The following LARS2 variants were observed in gnomAD, a reference collection of about 807,000 sequenced individuals.
The protein encoded by LARS2 is leucine--tRNA ligase, mitochondrial.
A neutral mutation model predicts 116.6 loss-of-function variants in LARS2; 81 were observed. That is an observed-to-expected ratio of 0.69 (90% CI 0.58 to 0.84). The LOEUF is 0.84. Among genes scored for constraint, LARS2 ranks in the 40% least tolerant of loss-of-function variants. LARS2 has a pLI of 0.00. For synonymous variants in LARS2, 396 were observed against 407.2 expected (o/e 0.97, Z 0.33); for missense variants, 968 against 1,114.5 (o/e 0.87, Z 1.87).
rs180999431 is a variant in LARS2 at position 45,409,377 on chromosome 3, A to G, written c.364-8105A>G. On this transcript the variant is annotated intron_variant, in intron 4 of 21. Transcript: ENST00000645846. Reference sequence around the variant, plus strand: ...TGGAGTTCTTCCCAGTGAATGGACAATCTTGGCCATAGAGAAATCAAGGGC... The same window carrying G: ...TGGAGTTCTTCCCAGTGAATGGACAGTCTTGGCCATAGAGAAATCAAGGGC... 3.0e-4 allele frequency among the ~76,000 whole-genome samples: 45 copies of G among 152,308 alleles called. 1 individual carries two copies. The East Asian group carries it at 7.1e-3, about 24-fold the overall frequency.
intron 18 of LARS2, among the ~76,000 whole-genome samples, chr3:45,519,162 G>A (rs561003428): frequency 1.6e-4 from 24 of 152,274 alleles, no homozygotes; most frequent in African/African-American, 5.8e-4. Context: ...AAGCTGACAA[G>A]CTGTGTTAAT....
At position 45,389,424 on chromosome 3, in the gene LARS2, A is replaced by G. The variant is rs147343640; in HGVS notation, c.-88+744A>G. Among the ~76,000 whole-genome samples, 286 of 152,244 alleles carry G rather than the reference A, an allele frequency of 1.9e-3. 2 individuals carry two copies. Among genetic ancestry groups the G allele is most frequent in the Middle Eastern group, 0.014 (4 of 294 alleles). On this transcript the variant is annotated intron_variant, in intron 1 of 21. Transcript: ENST00000645846. The stretch of plus-strand genomic sequence containing the variant: ...CAGCAGCCCGTCAGCTCTGCGTCCC[A>G]GCGCCTCTTCCGTGAAAGGGAAGCC...
intron 12 of LARS2, 124 bp from the exon 13 acceptor site, chr3:45,491,393 C>T: frequency 1.0e-6 from 1 of 981,224 alleles, no homozygotes; most frequent in Non-Finnish European, 1.5e-6. Context: ...AGTTATGACA[C>T]AGCTCTGCAC....
At chr3:45,437,328 C>T (rs1198946117) in intron 6 of LARS2, among the ~76,000 whole-genome samples, 1 of 152,130 alleles carries the variant, frequency 6.6e-6, no homozygotes, top group Non-Finnish European at 1.5e-5. Context: ...GATAAAGGAA[C>T]ATATTGCATA....
At chr3:45,406,929 A>G (rs1474456000) in intron 4 of LARS2, among the ~76,000 whole-genome samples, 1 of 152,184 alleles carries the variant, frequency 6.6e-6, no homozygotes, top group Non-Finnish European at 1.5e-5. Context: ...GTATGCACAG[A>G]TGGTTGGAAA....
chr3:45,488,877 T>A, intron 12 of LARS2, 65 bp downstream of exon 12: 1 of 1,056,000 alleles, frequency 9.5e-7, no homozygotes, highest in Non-Finnish European at 1.5e-6. Context: ...ACATTTTCCT[T>A]CAGGTGCAAA....
intron 8 of LARS2, among the ~76,000 whole-genome samples, chr3:45,470,680 A>G (rs965819545): frequency 6.6e-6 from 1 of 152,204 alleles, no homozygotes; most frequent in Non-Finnish European, 1.5e-5. Flanking sequence ...GGGAAATCAC[A>G]TGACCTCTCA....
At chr3:45,390,675 C>T (rs1435080319) in intron 1 of LARS2, among the ~76,000 whole-genome samples, 9 of 136,448 alleles carry the variant, frequency 6.6e-5, no homozygotes, top group East Asian at 4.0e-4. Flanking sequence ...ATTTTTGAGA[C>T]GGAGTCTCGC....
intron 4 of LARS2, among the ~76,000 whole-genome samples, chr3:45,403,112 C>CAAAAAA (rs1160287597): frequency 2.9e-3 from 249 of 85,114 alleles, no homozygotes; most frequent in East Asian, 4.8e-3. Context: ...TCTCCAAAGA[C>CAAAAAA]AAAAAAAAAA....
chr3:45,486,813 T>A (rs1699822284), intron 11 of LARS2, among the ~76,000 whole-genome samples: 1 of 152,214 alleles, frequency 6.6e-6, no homozygotes, highest in Non-Finnish European at 1.5e-5. Context: ...AAGGCAGTTT[T>A]TATTGATGTG....
At chr3:45,480,695 C>T (rs1391262153) in intron 10 of LARS2, among the ~76,000 whole-genome samples, 1 of 152,118 alleles carries the variant, frequency 6.6e-6, no homozygotes, top group African/African-American at 2.4e-5. Context: ...TGTGTTGTTT[C>T]TAGGAAATAG....
Position 45,491,561 on chromosome 3 carries a change from GA to G in LARS2, c.1287del (p.Ala430ProfsTer10). On this transcript the variant is annotated frameshift_variant, in exon 13 of 22. Transcript: ENST00000645846. LOFTEE classifies it high-confidence loss of function. Reference protein sequence around the residue: ...RQDAFLALTQKARGKRVGGDV... With the variant: ...RQDAFLALTQXARGKRVGGDV... ...AGGATGCTTTTCTAGCCCTGACTCA[GA>G]AAGCCCGGGGGAAGAGAGTGGGTGG... The G allele has an allele frequency of 1.9e-6, 3 of 1,614,210 alleles. No individual in the cohort carries two copies. Among genetic ancestry groups the G allele is most frequent in the African/African-American group, 1.3e-5 (1 of 75,056 alleles).
chr3:45,504,837 T>C (rs1700175072), intron 15 of LARS2, among the ~76,000 whole-genome samples: 1 of 151,674 alleles, frequency 6.6e-6, no homozygotes. Flanking sequence ...CCCAGCACTT[T>C]GGGAGGCCAA....
At chr3:45,433,473 G>T (rs1484939171) in intron 6 of LARS2, among the ~76,000 whole-genome samples, 4 of 151,952 alleles carry the variant, frequency 2.6e-5, no homozygotes, top group South Asian at 2.1e-4. Flanking sequence ...TACTGGTATG[G>T]TCATTTTACC....
intron 6 of LARS2, among the ~76,000 whole-genome samples, chr3:45,439,638 TATG>T (rs1330953792): frequency 1.3e-5 from 2 of 150,752 alleles, no homozygotes; most frequent in Admixed American, 6.6e-5. Context: ...TTTTTTTTTT[TATG>T]TTTGTTTTGT....
chr3:45,459,496 CT>C (rs1447851021), intron 8 of LARS2, among the ~76,000 whole-genome samples: 2 of 152,334 alleles, frequency 1.3e-5, no homozygotes, highest in Non-Finnish European at 2.9e-5. Flanking sequence ...CCTTAGTTTT[CT>C]CATCAATACA....
intron 15 of LARS2, among the ~76,000 whole-genome samples, chr3:45,503,041 A>G (rs1460075087): frequency 6.6e-6 from 1 of 151,394 alleles, no homozygotes; most frequent in Non-Finnish European, 1.5e-5. Flanking sequence ...AACTGACCTT[A>G]TATTTCTTGA....
intron 20 of LARS2, among the ~76,000 whole-genome samples, chr3:45,527,214 A>G (rs1700542800): frequency 6.6e-6 from 1 of 152,238 alleles, no homozygotes; most frequent in African/African-American, 2.4e-5. Context: ...AGGACCTGTT[A>G]TATAATGAAT....
intron 8 of LARS2, among the ~76,000 whole-genome samples, chr3:45,465,594 T>C (rs1699409556): frequency 6.6e-6 from 1 of 152,154 alleles, no homozygotes; most frequent in Non-Finnish European, 1.5e-5. Context: ...CAAGGCGAGA[T>C]GCTGGGAGGA....
Sources: allele counts gnomAD v4.1 joint callset (sites outside exome capture counted in the v4.1 genomes callset), GRCh38; gene constraint gnomAD v4.1.1; transcripts MANE v1.5; gene names NCBI Gene and HGNC (gene_info 2026-07-23, HGNC 2026-07-21).